The following DPP6 variants were observed in gnomAD, a reference collection of about 807,000 sequenced individuals.
DPP6 encodes the protein A-type potassium channel modulatory protein DPP6.
In DPP6, 69 loss-of-function variants were observed where a neutral mutation model predicts 122.6. The observed-to-expected ratio is 0.56, with a 90% confidence interval of 0.46 to 0.69. The LOEUF (loss-of-function observed/expected upper bound fraction) is 0.69. Ranked by LOEUF, DPP6 falls within the 30% of genes least tolerant of loss-of-function variation. The pLI is 0.00. For missense variants in DPP6, 928 were observed against 1,116.9 expected, an observed-to-expected ratio of 0.83 and a Z score of 2.41; for synonymous variants, 418 against 433.1, an observed-to-expected ratio of 0.97 and a Z score of 0.43.
At chr7:154,289,224 A>G (rs1324548981) in intron 1 of DPP6, among the ~76,000 whole-genome samples, 3 of 152,246 alleles carry the variant, frequency 2.0e-5, no homozygotes, top group Admixed American at 6.5e-5. Context: ...ATCAACTATG[A>G]TGGAAAAATA....
chr7:153,896,773 A>C (rs1799432984), intron 1 of DPP6, among the ~76,000 whole-genome samples: 1 of 152,254 alleles, frequency 6.6e-6, no homozygotes, highest in South Asian at 2.1e-4. Context: ...AGATTGTGCC[A>C]ATGCACTTCA....
intron 1 of DPP6, among the ~76,000 whole-genome samples, chr7:153,900,858 A>AAAT (rs548666125): frequency 2.2e-4 from 33 of 152,308 alleles, no homozygotes; most frequent in Non-Finnish European, 3.4e-4. Context: ...TGTGGCCCCA[A>AAAT]AATAATTTAA....
chr7:153,792,566 A>C, the DPP6 span, among the ~76,000 whole-genome samples: 62,589 of 150,894 alleles, frequency 0.41, 11,071 homozygotes, highest in Middle Eastern at 0.5. Context: ...TACATTTCTT[A>C]TTGAGTGAAT....
At chr7:154,860,354 G>A (rs115129264) in intron 17 of DPP6, among the ~76,000 whole-genome samples, 3 of 152,308 alleles carry the variant, frequency 2.0e-5, no homozygotes, top group Non-Finnish European at 2.9e-5. Context: ...GAGTTTGCCC[G>A]CCATCCTGCA....
chr7:154,647,547 A>C (rs1214821539), intron 6 of DPP6, among the ~76,000 whole-genome samples: 1 of 152,154 alleles, frequency 6.6e-6, no homozygotes, highest in Non-Finnish European at 1.5e-5. Flanking sequence ...TGTCCACATC[A>C]AGGGGCACCA....
intron 1 of DPP6, among the ~76,000 whole-genome samples, chr7:153,993,464 A>G (rs1482330294): frequency 2.6e-4 from 40 of 152,378 alleles, no homozygotes; most frequent in Middle Eastern, 3.4e-3. Flanking sequence ...GATACTTTAA[A>G]TTATATTCTT....
intron 1 of DPP6, among the ~76,000 whole-genome samples, chr7:154,057,265 C>T (rs1019912918): frequency 6.6e-5 from 10 of 151,100 alleles, no homozygotes; most frequent in Non-Finnish European, 1.3e-4. Flanking sequence ...ACATAAAGGC[C>T]TCCCATTTCG....
chr7:153,902,398 T>C (rs1392465254), intron 1 of DPP6, among the ~76,000 whole-genome samples: 1 of 152,184 alleles, frequency 6.6e-6, no homozygotes, highest in Non-Finnish European at 1.5e-5. Flanking sequence ...CTCCAGAAAC[T>C]GGGAGACAGG....
intron 1 of DPP6, among the ~76,000 whole-genome samples, chr7:153,916,873 A>T (rs1488113396): frequency 6.6e-6 from 1 of 152,088 alleles, no homozygotes; most frequent in South Asian, 2.1e-4. Context: ...TGAGTTTTCT[A>T]TTCTTATTTG....
At chr7:154,819,931 AT>A (rs931917259) in intron 16 of DPP6, among the ~76,000 whole-genome samples, 1 of 152,152 alleles carries the variant, frequency 6.6e-6, no homozygotes, top group African/African-American at 2.4e-5. Context: ...GCCGCCTCCC[AT>A]TTTTGCCCCT....
At chr7:154,827,312 T>A (rs1800237459) in intron 16 of DPP6, among the ~76,000 whole-genome samples, 1 of 151,912 alleles carries the variant, frequency 6.6e-6, no homozygotes, top group Non-Finnish European at 1.5e-5. Context: ...TCCCTCTTCC[T>A]CCTCCCCTTT....
At chr7:153,843,435 G>A in the DPP6 span, among the ~76,000 whole-genome samples, 1 of 152,110 alleles carries the variant, frequency 6.6e-6, no homozygotes, top group South Asian at 2.1e-4. Flanking sequence ...CAATGCAACG[G>A]GGCTCTCTCT....
chr7:154,651,040 C>T (rs1836844786), intron 6 of DPP6, among the ~76,000 whole-genome samples: 1 of 152,124 alleles, frequency 6.6e-6, no homozygotes, highest in Admixed American at 6.5e-5. Flanking sequence ...TTTTGAAATG[C>T]TAAGAGGAGC....
chr7:154,701,583 A>C (rs1292636587), intron 7 of DPP6, among the ~76,000 whole-genome samples: 2 of 152,120 alleles, frequency 1.3e-5, no homozygotes, highest in African/African-American at 4.8e-5. Context: ...GTGTGCGGGG[A>C]GTTACTGGAG....
chr7:153,885,624 G>A (rs923321656), upstream of DPP6, among the ~76,000 whole-genome samples: 2 of 152,102 alleles, frequency 1.3e-5, no homozygotes, highest in Admixed American at 1.3e-4. Flanking sequence ...TATAACCCAC[G>A]CATTTTACAC....
intron 1 of DPP6, among the ~76,000 whole-genome samples, chr7:154,013,539 C>T (rs144615174): frequency 0.11 from 15,449 of 145,726 alleles, 1,194 homozygotes; most frequent in African/African-American, 0.23. Flanking sequence ...ATAGTTAAAA[C>T]AGGAAAATCT....
At chr7:154,529,333 C>G (rs62475153) in intron 3 of DPP6, among the ~76,000 whole-genome samples, 13,544 of 152,220 alleles carry the variant, frequency 0.089, 600 homozygotes, top group Middle Eastern at 0.11. Flanking sequence ...GCTTAAACAT[C>G]TTCACTAACA....
chr7:154,816,335 T>A (rs2150486741), intron 16 of DPP6, among the ~76,000 whole-genome samples: 1 of 152,362 alleles, frequency 6.6e-6, no homozygotes, highest in Non-Finnish European at 1.5e-5. Context: ...TTATAATAGT[T>A]TGATTTCATT....
intron 1 of DPP6, among the ~76,000 whole-genome samples, chr7:153,910,245 T>TTTTTTTTTTTTTTTTTTTTTTTTTGG: frequency 6.6e-6 from 1 of 150,634 alleles, no homozygotes. Flanking sequence ...TTTTTTTTTT[T>TTTTTTTTTTTTTTTTTTTTTTTTTGG]TTGAGATGGA....
Sources: gnomAD v4.1 joint callset for allele counts (sites outside exome capture counted in the v4.1 genomes callset) on GRCh38, gnomAD v4.1.1 for gene constraint, MANE v1.5 for transcripts, NCBI Gene and HGNC (gene_info 2026-07-23, HGNC 2026-07-21) for gene names.